Variants in SYT1 observed in about 807,000 individuals in gnomAD.
SYT1 encodes synaptotagmin 1.
In SYT1, 8 loss-of-function variants were observed where a neutral mutation model predicts 44.8. That is an observed-to-expected ratio of 0.18 (90% CI 0.10 to 0.32). SYT1 has a LOEUF of 0.32. Ranked by LOEUF, SYT1 falls within the 10% of genes least tolerant of loss-of-function variation. The pLI, the probability that SYT1 is intolerant of heterozygous loss-of-function variation, is 1.00. For synonymous variants in SYT1, 154 were observed against 188.8 expected (o/e 0.82, Z 1.51); for missense variants, 286 against 509.3 (o/e 0.56, Z 4.22).
chr12:79,317,356 C>T (rs1170542314), intron 8 of SYT1, among the ~76,000 whole-genome samples: 2 of 152,330 alleles, frequency 1.3e-5, no homozygotes, highest in East Asian at 3.9e-4. Flanking sequence ...CCCTGCCAAC[C>T]ATATCTCCAC....
chr12:79,188,916 T>A (rs1033962144), intron 3 of SYT1, among the ~76,000 whole-genome samples: 26 of 151,508 alleles, frequency 1.7e-4, no homozygotes, highest in Admixed American at 5.9e-4. Context: ...CACTTTATTA[T>A]TCTTATAAAA....
chr12:79,091,288 AT>A (rs1165473136), intron 3 of SYT1, among the ~76,000 whole-genome samples: 1 of 152,038 alleles, frequency 6.6e-6, no homozygotes, highest in Non-Finnish European at 1.5e-5. Context: ...ATATATTGGA[AT>A]AAGTAGAAAA....
chr12:79,099,518 A>C (rs973878826), intron 3 of SYT1, among the ~76,000 whole-genome samples: 2 of 152,170 alleles, frequency 1.3e-5, no homozygotes, highest in Non-Finnish European at 2.9e-5. Context: ...TTACTCAAAA[A>C]TCAGAAATAT....
chr12:79,015,912 C>A (rs1165282070), intron 2 of SYT1, among the ~76,000 whole-genome samples: 1 of 151,998 alleles, frequency 6.6e-6, no homozygotes. Context: ...ATGACTTTGC[C>A]AAGGTTGCAC....
At chr12:79,100,569 G>A (rs934143138) in intron 3 of SYT1, among the ~76,000 whole-genome samples, 7 of 151,980 alleles carry the variant, frequency 4.6e-5, no homozygotes, top group African/African-American at 7.2e-5. Flanking sequence ...AGAAAAAAAA[G>A]ACTAAAAAGG....
At chr12:79,229,423 C>T (rs1592874822) in intron 4 of SYT1, among the ~76,000 whole-genome samples, 1 of 151,902 alleles carries the variant, frequency 6.6e-6, no homozygotes, top group African/African-American at 2.4e-5. Flanking sequence ...TGTATAAGGT[C>T]TTATTTTATT....
intron 9 of SYT1, among the ~76,000 whole-genome samples, chr12:79,420,691 C>T (rs1316918620): frequency 1.3e-5 from 2 of 152,062 alleles, no homozygotes; most frequent in African/African-American, 4.8e-5. Context: ...AGTAGTCTTC[C>T]ACCATTCTAA....
rs571541938 is a variant in SYT1 at position 79,436,582 on chromosome 12, T to A, written c.929-7491T>A. On this transcript the variant is annotated intron_variant, in intron 9 of 10. Transcript: ENST00000261205. ...GTTCTCATTGTAAATACAAAAAGCG[T>A]TTAGTGGCTCCCTTATATCTCACAC... is the stretch of plus-strand genomic sequence containing the variant. 5.9e-5 allele frequency among the ~76,000 whole-genome samples: 9 copies of A among 152,336 alleles called. No individual in the cohort carries two copies. In the South Asian group the frequency reaches 1.9e-3, roughly 32 times the overall value.
intron 9 of SYT1, among the ~76,000 whole-genome samples, chr12:79,399,757 C>T (rs1885006826): frequency 6.6e-6 from 1 of 152,188 alleles, no homozygotes; most frequent in African/African-American, 2.4e-5. Context: ...TCCCTTCCCA[C>T]TCCCAGATGT....
chr12:79,346,493 C>A (rs1882613197), intron 8 of SYT1, among the ~76,000 whole-genome samples: 1 of 152,136 alleles, frequency 6.6e-6, no homozygotes, highest in African/African-American at 2.4e-5. Flanking sequence ...ATAAATTACA[C>A]ATAAAGCTGA....
chr12:79,073,470 A>C (rs1453466282), intron 3 of SYT1, among the ~76,000 whole-genome samples: 1 of 152,112 alleles, frequency 6.6e-6, no homozygotes. Context: ...TGTTGTGAGG[A>C]GTGGGGAATC....
intron 9 of SYT1, among the ~76,000 whole-genome samples, chr12:79,388,914 A>T (rs1884547149): frequency 6.6e-6 from 1 of 152,198 alleles, no homozygotes; most frequent in Non-Finnish European, 1.5e-5. Flanking sequence ...TAAGCCTGTG[A>T]CACATACTTA....
intron 3 of SYT1, among the ~76,000 whole-genome samples, chr12:79,070,733 A>C (rs1012127578): frequency 6.6e-6 from 1 of 152,150 alleles, no homozygotes; most frequent in African/African-American, 2.4e-5. Context: ...GAGGAAAGAC[A>C]GCGACAGGGG....
chr12:78,988,375 T>C (rs557951962), intron 2 of SYT1, among the ~76,000 whole-genome samples: 4 of 148,544 alleles, frequency 2.7e-5, no homozygotes, highest in Admixed American at 1.4e-4. Context: ...ATTTCTCCAA[T>C]ATAATGTAAG....
At chr12:79,404,742 A>G (rs1885186012) in intron 9 of SYT1, among the ~76,000 whole-genome samples, 1 of 152,228 alleles carries the variant, frequency 6.6e-6, no homozygotes, top group African/African-American at 2.4e-5. Context: ...TTACTTATGT[A>G]AATTATATGG....
chr12:79,119,640 T>C (rs1001677274), intron 3 of SYT1, among the ~76,000 whole-genome samples: 3 of 151,868 alleles, frequency 2.0e-5, no homozygotes, highest in Non-Finnish European at 4.4e-5. Context: ...GTAAGGGTCT[T>C]ATATTTTGGA....
At chr12:78,871,319 T>C (rs772964740) in intron 1 of SYT1, among the ~76,000 whole-genome samples, 2 of 152,012 alleles carry the variant, frequency 1.3e-5, no homozygotes, top group Non-Finnish European at 2.9e-5. Flanking sequence ...TCTGCAAGTA[T>C]AAACAATAAG....
At chr12:79,035,282 C>T (rs922529647) in intron 2 of SYT1, among the ~76,000 whole-genome samples, 1 of 151,752 alleles carries the variant, frequency 6.6e-6, no homozygotes, top group Non-Finnish European at 1.5e-5. Context: ...ATTGCTACCC[C>T]ATTCTCTCTA....
chr12:78,955,800 TTGTGTGTGTGTG>T (rs60111282), intron 1 of SYT1, among the ~76,000 whole-genome samples: 5 of 138,698 alleles, frequency 3.6e-5, no homozygotes, highest in East Asian at 2.1e-4. Context: ...GCCAAGATAT[TTGTGTGTGTGTG>T]TGTGTGTGTG....
Sources: gnomAD v4.1 joint callset for allele counts (sites outside exome capture counted in the v4.1 genomes callset) on GRCh38, gnomAD v4.1.1 for gene constraint, MANE v1.5 for transcripts, NCBI Gene and HGNC (gene_info 2026-07-23, HGNC 2026-07-21) for gene names.